NCOR2: variants seen among roughly 807,000 people sequenced by gnomAD.
NCOR2 encodes nuclear receptor corepressor 2.
Under a neutral mutation model 262.9 loss-of-function variants are expected in NCOR2, and 81 were observed. The ratio of observed to expected loss-of-function variants is 0.31; its 90% confidence interval spans 0.26 to 0.37. NCOR2 has a LOEUF of 0.37. NCOR2 is among the 10% of genes least tolerant of loss of function. The pLI, the probability that NCOR2 is intolerant of heterozygous loss-of-function variation, is 1.00. For missense variants in NCOR2, 3,385 were observed against 3,621.4 expected, an observed-to-expected ratio of 0.93 and a Z score of 1.68; for synonymous variants, 1,659 against 1,559.3, an observed-to-expected ratio of 1.06 and a Z score of -1.51.
At chr12:124,434,171 T>C (rs1292260050) in intron 8 of NCOR2, among the ~76,000 whole-genome samples, 4 of 151,930 alleles carry the variant, frequency 2.6e-5, no homozygotes, top group Non-Finnish European at 5.9e-5. Context: ...GGAAGAGGTA[T>C]GGGGGTCCCC....
chr12:124,493,244 C>G (rs2048192013), intron 1 of NCOR2, among the ~76,000 whole-genome samples: 1 of 152,136 alleles, frequency 6.6e-6, no homozygotes, highest in Non-Finnish European at 1.5e-5. Context: ...AGGCTAGGAG[C>G]CGGGTGAGGG....
Position 124,342,042 on chromosome 12 carries a change from G to A in NCOR2, c.4969C>T (p.Pro1657Ser), listed in dbSNP as rs762749243. 3.7e-6 allele frequency: 6 copies of A among 1,612,064 alleles called. No homozygotes were observed. The South Asian group carries it at 5.5e-5, about 15-fold the overall frequency. Reference sequence around the variant, plus strand: ...TACAGGTGCGGGTAGGTGGGGTTGGGGGCCAGGTGTCGGGGCAGGTAGTAG... The same window carrying A: ...TACAGGTGCGGGTAGGTGGGGTTGGAGGCCAGGTGTCGGGGCAGGTAGTAG... The change falls in exon 34 of 47, where the codon CCC becomes TCC. Residue 1657 changes from proline to serine, a missense_variant. Pro to Ser is a moderately conservative substitution (Grantham distance 74, BLOSUM62 -1). Coordinates refer to ENST00000405201, the Ensembl canonical transcript of NCOR2.
chr12:124,348,261 G>T, exon 29 of NCOR2: 4 of 1,613,194 alleles, frequency 2.5e-6, no homozygotes, highest in Non-Finnish European at 3.4e-6. Flanking sequence ...TCATGGGGGG[G>T]TCCTGAGCTG....
At chr12:124,390,553 C>T (rs531077704) in intron 16 of NCOR2, among the ~76,000 whole-genome samples, 2 of 152,124 alleles carry the variant, frequency 1.3e-5, no homozygotes, top group Non-Finnish European at 2.9e-5. Context: ...TTAGCTCCCT[C>T]GTCCCACTGC....
intron 5 of NCOR2, among the ~76,000 whole-genome samples, chr12:124,461,901 G>A (rs534055897): frequency 8.5e-5 from 13 of 152,262 alleles, no homozygotes; most frequent in Non-Finnish European, 1.6e-4. Flanking sequence ...GCATGGATGT[G>A]TAAGTGCACA....
At chr12:124,350,146 C>T (rs2037322843) in intron 28 of NCOR2, among the ~76,000 whole-genome samples, 2 of 152,180 alleles carry the variant, frequency 1.3e-5, no homozygotes, top group Admixed American at 6.5e-5. Flanking sequence ...GGCAGGGTCT[C>T]CTCGTTCTGG....
intron 5 of NCOR2, among the ~76,000 whole-genome samples, chr12:124,458,450 A>G (rs1003268697): frequency 6.6e-6 from 1 of 152,166 alleles, no homozygotes; most frequent in African/African-American, 2.4e-5. Flanking sequence ...GCCCACCAAG[A>G]GCAGAGCCAT....
In NCOR2 at chr12:124,372,570, A is replaced by G; in HGVS notation, c.2259T>C (p.Ser753=). 2.5e-6 allele frequency: 4 copies of G among 1,592,962 alleles called. 1 individual carries two copies. Among genetic ancestry groups the G allele is most frequent in the Non-Finnish European group, 3.4e-6 (4 of 1,177,960 alleles). ...TGTCCTTGGCGGCCTCAGTGTGAGG[A>G]GAGGGGATGCTCTCGGTGTCTGAGC... Residue 753 remains serine, a synonymous_variant, in exon 20 of 47, where the codon TCT becomes TCC. Transcript: ENST00000405201.
At chr12:124,442,180 G>T (rs1471816945) in intron 7 of NCOR2, among the ~76,000 whole-genome samples, 1 of 152,192 alleles carries the variant, frequency 6.6e-6, no homozygotes, top group African/African-American at 2.4e-5. Context: ...GTCTTACTCT[G>T]TCTCCCAGGC....
At chr12:124,407,970 G>C (rs920185942) in intron 13 of NCOR2, among the ~76,000 whole-genome samples, 1 of 152,244 alleles carries the variant, frequency 6.6e-6, no homozygotes, top group Non-Finnish European at 1.5e-5. Flanking sequence ...CCTGCTCTCT[G>C]TCCCTCGGAT....
intron 16 of NCOR2, among the ~76,000 whole-genome samples, chr12:124,390,920 G>A (rs902086727): frequency 9.9e-5 from 15 of 152,260 alleles, no homozygotes; most frequent in Admixed American, 7.8e-4. Context: ...CACAGACGCC[G>A]AGTGGAGAGC....
At chr12:124,427,386 C>T (rs2136329813) in intron 10 of NCOR2, among the ~76,000 whole-genome samples, 1 of 152,324 alleles carries the variant, frequency 6.6e-6, no homozygotes, top group African/African-American at 2.4e-5. Context: ...GGCGGCCGCT[C>T]CTAATGCACT....
At chr12:124,408,234 G>A (rs2042380514) in intron 13 of NCOR2, among the ~76,000 whole-genome samples, 1 of 152,080 alleles carries the variant, frequency 6.6e-6, no homozygotes, top group Non-Finnish European at 1.5e-5. Flanking sequence ...GGCGCCTGTA[G>A]TCCCAGCTAC....
chr12:124,489,003 C>T (rs545427218), intron 1 of NCOR2, among the ~76,000 whole-genome samples: 1 of 151,886 alleles, frequency 6.6e-6, no homozygotes, highest in Non-Finnish European at 1.5e-5. Context: ...GGACCCTAAA[C>T]CCTGGGAGAC....
intron 13 of NCOR2, among the ~76,000 whole-genome samples, chr12:124,418,577 T>A (rs2043035892): frequency 6.6e-6 from 1 of 152,160 alleles, no homozygotes; most frequent in African/African-American, 2.4e-5. Flanking sequence ...ACCAGCCTTG[T>A]GGGTGCAAAA....
At chr12:124,332,401 C>T (rs754899524) in exon 43 of NCOR2, 2 of 1,614,218 alleles carry the variant, frequency 1.2e-6, no homozygotes, top group South Asian at 1.1e-5. Flanking sequence ...CGGAGTTGCT[C>T]TCGGTCAGCT....
exon 47 of NCOR2, chr12:124,325,531 G>C (rs1221975152): frequency 3.0e-6 from 4 of 1,345,552 alleles, no homozygotes; most frequent in Non-Finnish European, 3.8e-6. Flanking sequence ...GGGAAGCCAT[G>C]ACACCCGCCT....
intron 15 of NCOR2, among the ~76,000 whole-genome samples, chr12:124,398,604 C>T (rs553384602): frequency 1.3e-5 from 2 of 152,292 alleles, no homozygotes; most frequent in South Asian, 4.1e-4. Context: ...TCAGGTGGGC[C>T]GGGACCTCAT....
At chr12:124,429,750 C>G in intron 9 of NCOR2, 44 bp from the exon 12 acceptor site, 1 of 1,532,542 alleles carries the variant, frequency 6.5e-7, no homozygotes, top group South Asian at 1.2e-5. Flanking sequence ...TTCTGGTGGT[C>G]GGGGACACTA....
Sources: allele counts gnomAD v4.1 joint callset (sites outside exome capture counted in the v4.1 genomes callset), GRCh38; gene constraint gnomAD v4.1.1; transcripts MANE v1.5; gene names NCBI Gene and HGNC (gene_info 2026-07-23, HGNC 2026-07-21).